Variants in TRAPPC9 observed in about 807,000 individuals in gnomAD.
TRAPPC9 encodes the protein IKK2 binding protein.
TRAPPC9 carries 83 observed loss-of-function variants against 124.0 expected under a neutral mutation model. That is an observed-to-expected ratio of 0.67 (90% CI 0.56 to 0.80). The LOEUF is 0.80. TRAPPC9 is among the 30% of genes least tolerant of loss of function. The probability of loss-of-function intolerance (pLI) is 0.00; values close to 1 mark genes in which losing one functional copy is unlikely to be tolerated. For missense variants in TRAPPC9, 1,302 were observed against 1,508.3 expected, an observed-to-expected ratio of 0.86 and a Z score of 2.27; for synonymous variants, 638 against 617.5, an observed-to-expected ratio of 1.03 and a Z score of -0.49.
intron 19 of TRAPPC9, among the ~76,000 whole-genome samples, chr8:139,941,579 C>T (rs1168759031): frequency 1.3e-5 from 2 of 152,216 alleles, no homozygotes; most frequent in Non-Finnish European, 2.9e-5. Context: ...AGAGACTGTG[C>T]CAAGTGGTAA....
intron 9 of TRAPPC9, among the ~76,000 whole-genome samples, chr8:140,334,632 AG>A (rs1679365892): frequency 6.6e-6 from 1 of 150,888 alleles, no homozygotes; most frequent in African/African-American, 2.4e-5. Flanking sequence ...CTTGGGCGAC[AG>A]AGCGAGACTC....
chr8:139,782,543 A>C (rs780138483), intron 21 of TRAPPC9, among the ~76,000 whole-genome samples: 7 of 152,256 alleles, frequency 4.6e-5, no homozygotes, highest in Non-Finnish European at 1.0e-4. Context: ...TACATACGTA[A>C]TAACAGAGCT....
chr8:139,985,326 A>T (rs1418647791), intron 19 of TRAPPC9, among the ~76,000 whole-genome samples: 2 of 152,168 alleles, frequency 1.3e-5, no homozygotes, highest in African/African-American at 2.4e-5. Context: ...GACCAGATTT[A>T]TGTTCTCTGG....
chr8:140,215,433 C>T (rs749485982), intron 17 of TRAPPC9, among the ~76,000 whole-genome samples: 16 of 151,740 alleles, frequency 1.1e-4, no homozygotes, highest in African/African-American at 2.2e-4. Flanking sequence ...GCCTGAGCTC[C>T]GGAGTTCGGG....
At chr8:139,915,155 C>T (rs1043705282) in intron 19 of TRAPPC9, among the ~76,000 whole-genome samples, 24 of 98,250 alleles carry the variant, frequency 2.4e-4, no homozygotes, top group African/African-American at 8.1e-4. Flanking sequence ...TGGAGGGTGG[C>T]GGTGGCGGTG....
chr8:140,118,960 A>G (rs1217219671), intron 17 of TRAPPC9, among the ~76,000 whole-genome samples: 1 of 152,214 alleles, frequency 6.6e-6, no homozygotes, highest in East Asian at 1.9e-4. Flanking sequence ...TCTTTGGCTT[A>G]AGACAGTGTG....
chr8:139,774,371 A>G lies in TRAPPC9; in HGVS notation c.3056-42169T>C, dbSNP rs1043903152. 3.9e-5 allele frequency among the ~76,000 whole-genome samples: 6 copies of G among 152,220 alleles called. No homozygotes were observed. In the East Asian group the frequency reaches 9.7e-4, roughly 25 times the overall value. On this transcript the variant is annotated intron_variant, in intron 21 of 22. Transcript: ENST00000438773. Reference sequence around the variant, plus strand: ...GCGCGGTGGGCTGGCCAGCCTCAGGAAGGGCTGGGTGTGCGTGTGTCTGCA... The same window carrying G: ...GCGCGGTGGGCTGGCCAGCCTCAGGGAGGGCTGGGTGTGCGTGTGTCTGCA...
At chr8:140,313,483 G>A (rs1009345924) in intron 9 of TRAPPC9, among the ~76,000 whole-genome samples, 9 of 152,210 alleles carry the variant, frequency 5.9e-5, no homozygotes, top group South Asian at 4.1e-4. Context: ...TCACCGCAGC[G>A]TGGTCTGGCT....
chr8:139,939,605 G>A (rs1431744708), intron 19 of TRAPPC9, among the ~76,000 whole-genome samples: 1 of 152,136 alleles, frequency 6.6e-6, no homozygotes. Context: ...CCTGTCGTGG[G>A]GCTGATGTGC....
intron 17 of TRAPPC9, among the ~76,000 whole-genome samples, chr8:140,045,262 C>T (rs557981228): frequency 6.6e-6 from 1 of 152,276 alleles, no homozygotes; most frequent in South Asian, 2.1e-4. Context: ...GTACACGAAG[C>T]GAGGATGGTG....
chr8:140,360,024 A>C, intron 9 of TRAPPC9, 26 bp downstream of exon 9: 1 of 1,614,048 alleles, frequency 6.2e-7, no homozygotes, highest in Non-Finnish European at 8.5e-7. Flanking sequence ...CCTTGAAAAA[A>C]AACATTGTGG....
In TRAPPC9 at chr8:139,823,939, G is replaced by A. The variant is rs138468059; in HGVS notation, c.3055+61940C>T. Among the ~76,000 whole-genome samples, 10 of 152,316 alleles carry A rather than the reference G, an allele frequency of 6.6e-5. No individual in the cohort carries two copies. In the East Asian group the frequency reaches 1.9e-3, roughly 29 times the overall value. ...AAGGTCTTGGAGAGAGAGTTGAAAG[G>A]TGCTGGACTGACTGCTGAGAATTTG... On this transcript the variant is annotated intron_variant, in intron 21 of 22. Coordinates refer to ENST00000438773, the MANE Select transcript of TRAPPC9 (RefSeq NM_001160372.4).
intron 4 of TRAPPC9, among the ~76,000 whole-genome samples, chr8:140,429,545 G>T (rs1564018288): frequency 6.6e-6 from 1 of 152,166 alleles, no homozygotes; most frequent in South Asian, 2.1e-4. Flanking sequence ...GGGTTAAATT[G>T]GTGTATATAA....
chr8:139,891,192 C>T (rs539077770), intron 20 of TRAPPC9, among the ~76,000 whole-genome samples: 18 of 152,322 alleles, frequency 1.2e-4, no homozygotes, highest in African/African-American at 4.1e-4. Flanking sequence ...TCCTTTGAAC[C>T]CACAGATTTG....
At chr8:139,815,514 A>G (rs1824767897) in intron 21 of TRAPPC9, among the ~76,000 whole-genome samples, 1 of 151,946 alleles carries the variant, frequency 6.6e-6, no homozygotes, top group Non-Finnish European at 1.5e-5. Context: ...CAGCTTCCCA[A>G]GTGGCTGGGA....
chr8:140,094,700 C>T (rs1844810656), intron 17 of TRAPPC9, among the ~76,000 whole-genome samples: 1 of 152,156 alleles, frequency 6.6e-6, no homozygotes, highest in African/African-American at 2.4e-5. Context: ...GGCACGGTGC[C>T]CTGGCAAGCA....
At chr8:140,382,523 C>T (rs776950116) in intron 7 of TRAPPC9, among the ~76,000 whole-genome samples, 8 of 151,394 alleles carry the variant, frequency 5.3e-5, no homozygotes, top group South Asian at 2.1e-4. Context: ...GTCCCACGCC[C>T]GGCTGGGAGG....
chr8:140,133,168 A>G (rs2061236014), intron 17 of TRAPPC9, among the ~76,000 whole-genome samples: 1 of 152,238 alleles, frequency 6.6e-6, no homozygotes, highest in Admixed American at 6.5e-5. Flanking sequence ...TCAATAAAAT[A>G]CTAGGAAGCC....
chr8:140,291,506 C>A (rs542414309), intron 11 of TRAPPC9, among the ~76,000 whole-genome samples: 23 of 152,328 alleles, frequency 1.5e-4, no homozygotes, highest in African/African-American at 5.5e-4. Flanking sequence ...TCCTCCCCAC[C>A]CACTCCCAGG....
Sources: gnomAD v4.1 joint callset for allele counts (sites outside exome capture counted in the v4.1 genomes callset) on GRCh38, gnomAD v4.1.1 for gene constraint, MANE v1.5 for transcripts, NCBI Gene and HGNC (gene_info 2026-07-23, HGNC 2026-07-21) for gene names.